Variants in FILIP1 observed in about 807,000 individuals in gnomAD.
FILIP1 encodes filamin-A-interacting protein 1.
A neutral mutation model predicts 102.1 loss-of-function variants in FILIP1; 61 were observed. The ratio of observed to expected loss-of-function variants is 0.60; its 90% CI spans 0.49 to 0.74. The LOEUF is 0.74. Ranked by LOEUF, FILIP1 falls within the 30% of genes least tolerant of loss-of-function variation. The pLI is 0.00. For missense variants in FILIP1, 1,314 were observed against 1,441.2 expected (o/e 0.91, Z 1.43); for synonymous variants, 491 against 526.9 (o/e 0.93, Z 0.93).
At chr6:75,399,563 C>T (rs889978929) in intron 2 of FILIP1, among the ~76,000 whole-genome samples, 4 of 152,098 alleles carry the variant, frequency 2.6e-5, no homozygotes, top group African/African-American at 4.8e-5. Flanking sequence ...ATGAAAACAA[C>T]GTGATGCCAC....
chr6:75,492,928 A>G (rs896635513), intron 1 of FILIP1, among the ~76,000 whole-genome samples: 5 of 152,206 alleles, frequency 3.3e-5, no homozygotes, highest in African/African-American at 1.2e-4. Flanking sequence ...AGAATTAGGC[A>G]AAAGGAGACA....
In FILIP1 at chr6:75,467,297, C is replaced by T. The variant is rs74589296; in HGVS notation, c.-7+26117G>A. Among the ~76,000 whole-genome samples, 35 of 152,196 alleles carry T rather than the reference C, an allele frequency of 2.3e-4. 1 individual carries two copies. The East Asian group carries it at 5.6e-3, about 24-fold the overall frequency. On this transcript the variant is annotated intron_variant, in intron 1 of 5. Transcript: ENST00000237172. ...TAATGAATAATTTGATGCATTTTGA[C>T]CTAGGTATACATGTGCAGAATCATC...
At chr6:75,480,266 T>TTTTTATAGTATTAAAAATGTACACCAC (rs1779612427) in intron 1 of FILIP1, among the ~76,000 whole-genome samples, 1 of 152,182 alleles carries the variant, frequency 6.6e-6, no homozygotes, top group Non-Finnish European at 1.5e-5. Flanking sequence ...TAATACTACA[T>TTTTTATAGTATTAAAAATGTACACCAC]TTTTATAGTA....
intron 1 of FILIP1, among the ~76,000 whole-genome samples, chr6:75,427,479 C>T (rs1431761089): frequency 6.6e-6 from 1 of 152,114 alleles, no homozygotes; most frequent in African/African-American, 2.4e-5. Context: ...CAAGAAGACT[C>T]ATATGGGGCC....
In FILIP1 at chr6:75,423,286, T is replaced by G. The variant is rs555334557; in HGVS notation, c.-6-8308A>C. Among the ~76,000 whole-genome samples the G allele has an allele frequency of 6.6e-5, 10 of 152,268 alleles. No individual in the cohort carries two copies. In the South Asian group the frequency reaches 2.1e-3, roughly 32 times the overall value. On this transcript the variant is annotated intron_variant, in intron 1 of 5. Transcript: ENST00000237172. ...AATTTAAAAATTTGTCATTTTGAAGTGCTGTCTTCTCTTACTCTACACAAT... is the reference window on the plus strand; with the variant it reads ...AATTTAAAAATTTGTCATTTTGAAGGGCTGTCTTCTCTTACTCTACACAAT...
At chr6:75,457,583 TA>T (rs1266813118) in intron 1 of FILIP1, among the ~76,000 whole-genome samples, 4 of 151,526 alleles carry the variant, frequency 2.6e-5, no homozygotes, top group African/African-American at 9.7e-5. Context: ...ACTGATGCTT[TA>T]AAAAAATACC....
intron 1 of FILIP1, among the ~76,000 whole-genome samples, chr6:75,452,402 T>C (rs1778665174): frequency 1.3e-5 from 2 of 152,092 alleles, no homozygotes; most frequent in Non-Finnish European, 2.9e-5. Context: ...AATGATGGTT[T>C]CCAGCTTCAT....
At chr6:75,348,463 TA>T in intron 4 of FILIP1, among the ~76,000 whole-genome samples, 1 of 152,332 alleles carries the variant, frequency 6.6e-6, no homozygotes, top group Middle Eastern at 3.4e-3. Context: ...TAACTATTTG[TA>T]AAACAAATAT....
intron 4 of FILIP1, chr6:75,319,907 TC>T: frequency 4.3e-6 from 2 of 462,562 alleles, no homozygotes; most frequent in South Asian, 2.4e-5. Flanking sequence ...ATGCTCCTCC[TC>T]CGGACAAGTT....
chr6:75,441,382 T>A (rs1301387754), intron 1 of FILIP1, among the ~76,000 whole-genome samples: 8 of 152,126 alleles, frequency 5.3e-5, no homozygotes, highest in Non-Finnish European at 1.2e-4. Context: ...GTCTACTTCT[T>A]TCTACACAGA....
chr6:75,454,053 AG>A, intron 1 of FILIP1: 1 of 456,084 alleles, frequency 2.2e-6, no homozygotes, highest in Middle Eastern at 3.3e-4. Context: ...GTCCAGATAC[AG>A]CGTGGCTTAA....
chr6:75,372,686 AG>A (rs1406631632), intron 2 of FILIP1, among the ~76,000 whole-genome samples: 43 of 27,212 alleles, frequency 1.6e-3, no homozygotes, highest in African/African-American at 6.7e-3. Flanking sequence ...AGAAAGAAAG[AG>A]AAAGAAAGAG....
intron 2 of FILIP1, among the ~76,000 whole-genome samples, chr6:75,404,612 G>A (rs762086508): frequency 3.9e-5 from 6 of 152,078 alleles, no homozygotes; most frequent in Non-Finnish European, 7.4e-5. Context: ...CCTCTGCAAC[G>A]ATTCAGCATG....
At chr6:75,483,908 A>C (rs1182670963) in intron 1 of FILIP1, among the ~76,000 whole-genome samples, 1 of 152,170 alleles carries the variant, frequency 6.6e-6, no homozygotes. Context: ...CAATTCCCTC[A>C]GCCTCCTTAT....
chr6:75,472,432 C>A (rs1193137350), intron 1 of FILIP1, among the ~76,000 whole-genome samples: 2 of 152,042 alleles, frequency 1.3e-5, no homozygotes, highest in Non-Finnish European at 2.9e-5. Context: ...ATTGGGAGAA[C>A]AATTTTATAA....
At chr6:75,398,331 A>G (rs897915143) in intron 2 of FILIP1, among the ~76,000 whole-genome samples, 7 of 152,142 alleles carry the variant, frequency 4.6e-5, no homozygotes, top group African/African-American at 1.7e-4. Flanking sequence ...GTCGTTTTAA[A>G]TCCCAGCTGG....
chr6:75,415,531 TG>T (rs377241837), intron 1 of FILIP1, among the ~76,000 whole-genome samples: 1 of 106,428 alleles, frequency 9.4e-6, no homozygotes, highest in African/African-American at 3.7e-5. Context: ...TGTCACAGTG[TG>T]GAAAAAAAAA....
At chr6:75,319,740 T>G (rs1490273001) in intron 4 of FILIP1, 9 of 311,706 alleles carry the variant, frequency 2.9e-5, no homozygotes, top group Admixed American at 8.3e-5. Context: ...TGAGGCAGGA[T>G]AATTGTGTGA....
At chr6:75,468,129 T>C (rs770643288) in intron 1 of FILIP1, among the ~76,000 whole-genome samples, 3 of 152,096 alleles carry the variant, frequency 2.0e-5, no homozygotes, top group Non-Finnish European at 4.4e-5. Flanking sequence ...GGCATCCTCA[T>C]CCCCTCCCAT....
Sources: gnomAD v4.1 joint callset for allele counts (sites outside exome capture counted in the v4.1 genomes callset) on GRCh38, gnomAD v4.1.1 for gene constraint, MANE v1.5 for transcripts, NCBI Gene and HGNC (gene_info 2026-07-23, HGNC 2026-07-21) for gene names.